The following CNTNAP5 variants were observed in gnomAD, a reference collection of about 807,000 sequenced individuals.
CNTNAP5 encodes the protein contactin associated protein family member 5.
In CNTNAP5, 72 loss-of-function variants were observed where a neutral mutation model predicts 150.2. The observed-to-expected ratio is 0.48, with a 90% CI of 0.40 to 0.58. The LOEUF (loss-of-function observed/expected upper bound fraction) is 0.58. CNTNAP5 is among the 20% of genes least tolerant of loss of function. The pLI is 0.00. For synonymous variants in CNTNAP5, 672 were observed against 619.8 expected (o/e 1.08, Z -1.25); for missense variants, 1,636 against 1,626.2 (o/e 1.01, Z -0.10).
intron 19 of CNTNAP5, among the ~76,000 whole-genome samples, chr2:124,818,422 G>A (rs1234233612): frequency 6.6e-6 from 1 of 152,104 alleles, no homozygotes; most frequent in African/African-American, 2.4e-5. Flanking sequence ...AGCTACTTGG[G>A]AGGCAGAGGT....
chr2:124,653,900 CACTG>C (rs1678373114), intron 13 of CNTNAP5, among the ~76,000 whole-genome samples: 6 of 131,098 alleles, frequency 4.6e-5, no homozygotes, highest in African/African-American at 8.9e-5. Flanking sequence ...AACATGCCCC[CACTG>C]CCCCCAACCC....
intron 12 of CNTNAP5, among the ~76,000 whole-genome samples, chr2:124,623,728 G>A (rs1465977953): frequency 6.6e-6 from 1 of 152,196 alleles, no homozygotes; most frequent in Non-Finnish European, 1.5e-5. Flanking sequence ...TTTAGGGACA[G>A]CAGGTTTAGT....
At chr2:124,137,111 C>T (rs1683990947) in intron 1 of CNTNAP5, among the ~76,000 whole-genome samples, 1 of 152,102 alleles carries the variant, frequency 6.6e-6, no homozygotes, top group African/African-American at 2.4e-5. Flanking sequence ...CCTATGAGCT[C>T]CTCAAGGGCT....
In CNTNAP5 at chr2:124,740,536, C is replaced by T. The variant is rs1017095604; in HGVS notation, c.2078-6693C>T. Reference sequence around the variant, plus strand: ...GGGTTTATATAAATCACATGTGGGACGGAAGAAGGGCAGATGGGAAAGACA... The same window carrying T: ...GGGTTTATATAAATCACATGTGGGATGGAAGAAGGGCAGATGGGAAAGACA... On this transcript the variant is annotated intron_variant, in intron 13 of 23. Transcript: ENST00000682447. Among the ~76,000 whole-genome samples the T allele has an allele frequency of 3.9e-5, 6 of 151,924 alleles. No individual in the cohort carries two copies. The South Asian group carries it at 1.0e-3, about 26-fold the overall frequency.
chr2:124,427,068 C>T (rs1448743918), intron 4 of CNTNAP5, among the ~76,000 whole-genome samples: 1 of 151,758 alleles, frequency 6.6e-6, no homozygotes, highest in East Asian at 1.9e-4. Context: ...TCTTAAAAAT[C>T]GATTTTGAAA....
At position 124,899,864 on chromosome 2, in the gene CNTNAP5, A is replaced by ATCTG. The variant is rs368141318; in HGVS notation, c.3437-3018_3437-3017insTCTG. Among the ~76,000 whole-genome samples the ATCTG allele has an allele frequency of 4.0e-5, 6 of 151,656 alleles. 2 individuals are homozygous for ATCTG. Among genetic ancestry groups the ATCTG allele is most frequent in the African/African-American group, 1.5e-4 (6 of 41,012 alleles). On this transcript the variant is annotated intron_variant, in intron 21 of 23. Transcript: ENST00000682447. ...TACATTTGTCTTTAATGTAATACAG[A>ATCTG]GTTCAGTGAATTCTGTGAGGCACTT... is the stretch of plus-strand genomic sequence containing the variant.
At chr2:124,878,889 G>A (rs1677913330) in intron 21 of CNTNAP5, among the ~76,000 whole-genome samples, 1 of 151,680 alleles carries the variant, frequency 6.6e-6, no homozygotes. Flanking sequence ...CACCATGTTG[G>A]CCAGGCTGAT....
intron 7 of CNTNAP5, 109 bp from the exon 8 acceptor site, chr2:124,504,183 T>A: frequency 9.1e-7 from 1 of 1,098,412 alleles, no homozygotes; most frequent in Non-Finnish European, 1.3e-6. Flanking sequence ...TGCCGCTGAA[T>A]GTGGAATGAT....
chr2:124,652,906 T>C (rs1678352721), intron 13 of CNTNAP5, among the ~76,000 whole-genome samples: 1 of 152,228 alleles, frequency 6.6e-6, no homozygotes, highest in Admixed American at 6.5e-5. Flanking sequence ...GAAGTCAATA[T>C]TGAAACACGT....
chr2:124,363,208 G>C (rs1690266516), intron 3 of CNTNAP5, among the ~76,000 whole-genome samples: 1 of 152,162 alleles, frequency 6.6e-6, no homozygotes. Context: ...CACTTCTTCA[G>C]TTACTTCTTG....
At chr2:124,356,148 T>A (rs1474239604) in intron 3 of CNTNAP5, among the ~76,000 whole-genome samples, 1 of 152,098 alleles carries the variant, frequency 6.6e-6, no homozygotes, top group Non-Finnish European at 1.5e-5. Context: ...TCAGTACAAA[T>A]CTTATAAAAA....
chr2:124,092,607 T>A (rs1682840881), intron 1 of CNTNAP5, among the ~76,000 whole-genome samples: 1 of 152,206 alleles, frequency 6.6e-6, no homozygotes, highest in Admixed American at 6.5e-5. Flanking sequence ...ACCTCAAGTT[T>A]CCTCAACATT....
At chr2:124,756,071 G>A (rs984494243) in intron 14 of CNTNAP5, among the ~76,000 whole-genome samples, 26 of 152,252 alleles carry the variant, frequency 1.7e-4, no homozygotes, top group Middle Eastern at 3.4e-3. Flanking sequence ...AGAGCTCAAA[G>A]ATTTATCAAC....
intron 1 of CNTNAP5, among the ~76,000 whole-genome samples, chr2:124,130,043 C>T (rs1220782622): frequency 6.6e-6 from 1 of 152,088 alleles, no homozygotes; most frequent in Admixed American, 6.6e-5. Context: ...TGTCAATTTG[C>T]CAAATTCAAA....
intron 13 of CNTNAP5, among the ~76,000 whole-genome samples, chr2:124,670,756 C>T (rs184048100): frequency 7.2e-4 from 109 of 152,252 alleles, no homozygotes; most frequent in African/African-American, 2.0e-3. Context: ...ATGCCTTGCT[C>T]GTTCACCTCT....
chr2:124,518,994 C>CAAAAAAA (rs35578704), intron 8 of CNTNAP5, among the ~76,000 whole-genome samples: 1 of 48,112 alleles, frequency 2.1e-5, no homozygotes. Flanking sequence ...GCCTGGGCCG[C>CAAAAAAA]AAAAAAAAAA....
At chr2:124,303,971 C>T (rs969005668) in intron 3 of CNTNAP5, among the ~76,000 whole-genome samples, 1 of 152,144 alleles carries the variant, frequency 6.6e-6, no homozygotes, top group Non-Finnish European at 1.5e-5. Context: ...TCCAAGGTTA[C>T]AGCAAGCTAT....
At chr2:124,717,633 T>C (rs987288838) in intron 13 of CNTNAP5, among the ~76,000 whole-genome samples, 1 of 152,176 alleles carries the variant, frequency 6.6e-6, no homozygotes, top group Non-Finnish European at 1.5e-5. Flanking sequence ...ATTTAAAGAA[T>C]TGAACGATGC....
intron 7 of CNTNAP5, among the ~76,000 whole-genome samples, chr2:124,497,435 G>A (rs533796301): frequency 2.0e-5 from 3 of 152,260 alleles, no homozygotes; most frequent in Non-Finnish European, 4.4e-5. Flanking sequence ...GAAAGAGGAT[G>A]GACTCCTAGC....
Sources: gnomAD v4.1 joint callset for allele counts (sites outside exome capture counted in the v4.1 genomes callset) on GRCh38, gnomAD v4.1.1 for gene constraint, MANE v1.5 for transcripts, NCBI Gene and HGNC (gene_info 2026-07-23, HGNC 2026-07-21) for gene names.